PTPRM: variants seen among roughly 807,000 people sequenced by gnomAD.
PTPRM encodes receptor-type tyrosine-protein phosphatase mu.
Under a neutral mutation model 186.7 loss-of-function variants are expected in PTPRM, and 47 were observed. The ratio of observed to expected loss-of-function variants is 0.25; its 90% CI spans 0.20 to 0.32. The LOEUF (loss-of-function observed/expected upper bound fraction) is 0.32. PTPRM is among the 10% of genes least tolerant of loss of function. The pLI, the probability that PTPRM is intolerant of heterozygous loss-of-function variation, is 1.00. For synonymous variants in PTPRM, 668 were observed against 674.9 expected, an observed-to-expected ratio of 0.99 and a Z score of 0.16; for missense variants, 1,494 against 1,865.0, an observed-to-expected ratio of 0.80 and a Z score of 3.66.
chr18:7,620,345 T>C (rs1027842474), intron 1 of PTPRM, among the ~76,000 whole-genome samples: 1 of 152,180 alleles, frequency 6.6e-6, no homozygotes, highest in Non-Finnish European at 1.5e-5. Context: ...TTGGTGGGAA[T>C]TCTCAATTTT....
At chr18:8,097,193 G>T (rs2091054898) in intron 11 of PTPRM, among the ~76,000 whole-genome samples, 1 of 152,130 alleles carries the variant, frequency 6.6e-6, no homozygotes, top group Non-Finnish European at 1.5e-5. Context: ...TATTTTTTAA[G>T]TATATTATAT....
At chr18:8,345,115 A>C (rs1283812121) in intron 23 of PTPRM, among the ~76,000 whole-genome samples, 2 of 152,236 alleles carry the variant, frequency 1.3e-5, no homozygotes, top group Non-Finnish European at 2.9e-5. Flanking sequence ...AAGTTGTCAC[A>C]TGCAAATAAC....
At chr18:8,301,705 G>A (rs994977226) in intron 20 of PTPRM, among the ~76,000 whole-genome samples, 2 of 152,264 alleles carry the variant, frequency 1.3e-5, no homozygotes, top group African/African-American at 4.8e-5. Context: ...AAGCAGACAG[G>A]ATGCTATGCT....
chr18:7,765,710 AT>A (rs879274765), intron 1 of PTPRM, among the ~76,000 whole-genome samples: 8 of 152,166 alleles, frequency 5.3e-5, no homozygotes, highest in Admixed American at 1.3e-4. Flanking sequence ...TATAACATTA[AT>A]TCTTTTGGGG....
At chr18:8,396,108 C>T (rs929313271) in intron 32 of PTPRM, among the ~76,000 whole-genome samples, 30 of 152,296 alleles carry the variant, frequency 2.0e-4, no homozygotes, top group African/African-American at 7.0e-4. Flanking sequence ...TCACTAGGAC[C>T]GTCTCCCTCC....
intron 14 of PTPRM, among the ~76,000 whole-genome samples, chr18:8,179,669 C>T (rs2093545527): frequency 6.6e-6 from 1 of 151,980 alleles, no homozygotes; most frequent in Admixed American, 6.6e-5. Context: ...CGGGTTTCAC[C>T]ATGTTGGCCA....
chr18:8,182,663 A>G (rs1211545705), intron 14 of PTPRM, among the ~76,000 whole-genome samples: 1 of 152,212 alleles, frequency 6.6e-6, no homozygotes, highest in African/African-American at 2.4e-5. Flanking sequence ...CTTGGGGACC[A>G]CTATTGCACT....
intron 2 of PTPRM, among the ~76,000 whole-genome samples, chr18:7,827,275 AT>A (rs1413484774): frequency 1.3e-5 from 2 of 152,214 alleles, no homozygotes; most frequent in Non-Finnish European, 2.9e-5. Flanking sequence ...TCAATCATAC[AT>A]CACTCTCGAC....
intron 1 of PTPRM, among the ~76,000 whole-genome samples, chr18:7,669,880 G>T (rs1401716975): frequency 5.3e-5 from 8 of 152,022 alleles, no homozygotes; most frequent in Non-Finnish European, 1.2e-4. Flanking sequence ...CTGCCACCAA[G>T]CCCGGCTAAT....
At chr18:7,732,502 T>A (rs1254378366) in intron 1 of PTPRM, among the ~76,000 whole-genome samples, 1 of 152,316 alleles carries the variant, frequency 6.6e-6, no homozygotes, top group Non-Finnish European at 1.5e-5. Flanking sequence ...TTTTTATTTT[T>A]AAAAATATTA....
At chr18:8,304,051 C>A (rs1161731867) in intron 20 of PTPRM, among the ~76,000 whole-genome samples, 2 of 151,976 alleles carry the variant, frequency 1.3e-5, no homozygotes, top group African/African-American at 4.8e-5. Context: ...ATTGTGATTC[C>A]AATTTACCTT....
intron 20 of PTPRM, among the ~76,000 whole-genome samples, chr18:8,298,208 G>A (rs565332581): frequency 8.5e-5 from 13 of 152,290 alleles, no homozygotes; most frequent in African/African-American, 1.9e-4. Context: ...TTTTCTCTGG[G>A]AGCCCACTGA....
chr18:8,264,589 C>T (rs544526215), intron 19 of PTPRM, among the ~76,000 whole-genome samples: 7 of 151,984 alleles, frequency 4.6e-5, no homozygotes, highest in Non-Finnish European at 7.4e-5. Context: ...GCCAACACAG[C>T]GAAACGCTGT....
At chr18:8,299,775 A>G (rs1397920664) in intron 20 of PTPRM, among the ~76,000 whole-genome samples, 1 of 152,196 alleles carries the variant, frequency 6.6e-6, no homozygotes. Context: ...AAAAGCAGCC[A>G]CAGACAGTAC....
At chr18:8,152,367 C>T (rs2093028481) in intron 14 of PTPRM, among the ~76,000 whole-genome samples, 1 of 152,112 alleles carries the variant, frequency 6.6e-6, no homozygotes, top group Admixed American at 6.5e-5. Flanking sequence ...GTTAATATTC[C>T]AGTATAGATA....
At chr18:7,656,435 G>A (rs1301140061) in intron 1 of PTPRM, among the ~76,000 whole-genome samples, 1 of 152,178 alleles carries the variant, frequency 6.6e-6, no homozygotes, top group Non-Finnish European at 1.5e-5. Context: ...AGATAGGAGA[G>A]AAGGGAGTGG....
chr18:7,849,721 C>G (rs2046774008), intron 2 of PTPRM, among the ~76,000 whole-genome samples: 1 of 152,126 alleles, frequency 6.6e-6, no homozygotes, highest in South Asian at 2.1e-4. Context: ...AAGAATGGAC[C>G]AGTTGTGCTG....
At chr18:7,858,159 C>T (rs1822454) in intron 2 of PTPRM, among the ~76,000 whole-genome samples, 77,996 of 151,974 alleles carry the variant, frequency 0.51, 20,535 homozygotes, top group East Asian at 0.73. Context: ...ATAAAGGTGA[C>T]GTACAAGGAA....
intron 23 of PTPRM, among the ~76,000 whole-genome samples, chr18:8,347,545 C>G (rs577955247): frequency 1.3e-5 from 2 of 152,332 alleles, no homozygotes; most frequent in Non-Finnish European, 2.9e-5. Flanking sequence ...TCAGAGCGAC[C>G]TGGGTTTAGA....
Sources: gnomAD v4.1 joint callset for allele counts (sites outside exome capture counted in the v4.1 genomes callset) on GRCh38, gnomAD v4.1.1 for gene constraint, MANE v1.5 for transcripts, NCBI Gene and HGNC (gene_info 2026-07-23, HGNC 2026-07-21) for gene names.